The following HEATR4 variants were observed in gnomAD, a reference collection of about 807,000 sequenced individuals.
HEATR4 encodes the protein HEAT repeat-containing protein 4.
A neutral mutation model predicts 108.8 loss-of-function variants in HEATR4; 95 were observed. The observed-to-expected ratio is 0.87, with a 90% CI of 0.74 to 1.04. The LOEUF is 1.04. Among genes scored for constraint, HEATR4 ranks in the 50% least tolerant of loss-of-function variants. The pLI is 0.00. For synonymous variants in HEATR4, 443 were observed against 459.4 expected (o/e 0.96, Z 0.46); for missense variants, 1,152 against 1,253.8 (o/e 0.92, Z 1.23).
chr14:73,629,172 C>T, the HEATR4 span, among the ~76,000 whole-genome samples: 4,557 of 152,130 alleles, frequency 0.03, 107 homozygotes, highest in Middle Eastern at 0.071. Flanking sequence ...AAAAAGATTA[C>T]GACCCACTGA....
chr14:73,562,218 G>A (rs1347949320), upstream of HEATR4, among the ~76,000 whole-genome samples: 1 of 152,022 alleles, frequency 6.6e-6, no homozygotes, highest in Non-Finnish European at 1.5e-5. Flanking sequence ...CGAATGGAGG[G>A]ACCGGCTGGA....
chr14:73,541,495 C>A (rs1322188613), intron 1 of HEATR4: 1 of 1,244,564 alleles, frequency 8.0e-7, no homozygotes, highest in South Asian at 1.4e-5. Context: ...TTCCCAAGAA[C>A]CTGGGCCCTT....
chr14:73,502,447 A>G (rs1030465891), intron 11 of HEATR4, among the ~76,000 whole-genome samples: 2 of 151,994 alleles, frequency 1.3e-5, no homozygotes, highest in South Asian at 2.1e-4. Flanking sequence ...CCCTAGCCAC[A>G]TTGTTAGTTT....
intron 17 of HEATR4, chr14:73,491,096 G>C (rs774731858): frequency 6.2e-7 from 1 of 1,601,164 alleles, no homozygotes; most frequent in South Asian, 1.1e-5. Flanking sequence ...GCCACACAGC[G>C]GGTCGGTCCT....
chr14:73,630,054 T>C, the HEATR4 span, among the ~76,000 whole-genome samples: 1 of 151,518 alleles, frequency 6.6e-6, no homozygotes, highest in Non-Finnish European at 1.5e-5. Context: ...AACAAAAAAA[T>C]TTAAAAAAAA....
chr14:73,520,890 T>A lies in HEATR4; in HGVS notation c.1031A>T (p.Tyr344Phe), dbSNP rs774589942. 6.2e-7 allele frequency: 1 copy of A among 1,613,974 alleles called. No homozygotes were observed. The stretch of plus-strand genomic sequence containing the variant: ...CTGTTCAAAGGTGTTGTCTGTGGAG[T>A]AGGCAAACTTTCCAGCTCGGGGAGT... ...QVTPRAGKFA[Y>F]STDNTFEQEI... The change falls in exon 4 of 18, where the codon TAC becomes TTC. Residue 344 changes from tyrosine to phenylalanine, a missense_variant. By Grantham distance (22) the Tyr-to-Phe change is conservative (BLOSUM62 3). Transcript: ENST00000553558.
At position 73,522,878 on chromosome 14, in the gene HEATR4, C is replaced by G. The variant is rs756543485; in HGVS notation, c.275G>C (p.Ser92Thr). The G allele has an allele frequency of 6.2e-7, 1 of 1,614,182 alleles. No individual in the cohort carries two copies. The highest frequency in any genetic ancestry group is 8.5e-7 in the Non-Finnish European group (1 of 1,180,036). ...ATTGGTATTGTAGAGGTGGTCAAAG[C>G]TGTACTGGCTATAAGGAATGCTGGG... ...GLPSIPYSQY[S>T]FDHLYNTNDI... The change falls in exon 3 of 18, where the codon AGC (serine) becomes ACC (threonine). Residue 92 changes from serine to threonine, a missense_variant. By Grantham distance (58) the Ser-to-Thr change is moderately conservative. Transcript: ENST00000553558.
chr14:73,570,680 G>A, the HEATR4 span, among the ~76,000 whole-genome samples: 20 of 152,040 alleles, frequency 1.3e-4, no homozygotes, highest in African/African-American at 4.1e-4. Context: ...CGAGGCCGGC[G>A]GATCACCTGA....
the HEATR4 span, among the ~76,000 whole-genome samples, chr14:73,592,783 A>G: frequency 6.6e-6 from 1 of 152,032 alleles, no homozygotes; most frequent in Non-Finnish European, 1.5e-5. Flanking sequence ...AACCTGGGAG[A>G]TGGAGGTTGC....
chr14:73,614,746 CAAA>C, the HEATR4 span, among the ~76,000 whole-genome samples: 24 of 113,002 alleles, frequency 2.1e-4, no homozygotes, highest in Admixed American at 3.7e-4. Context: ...GACCCTGTCT[CAAA>C]AAAAAAAAAA....
intron 2 of HEATR4, among the ~76,000 whole-genome samples, chr14:73,524,549 C>T (rs527516615): frequency 5.3e-5 from 8 of 150,802 alleles, no homozygotes; most frequent in Non-Finnish European, 7.4e-5. Context: ...GAGGATTTTA[C>T]GTAGGGAAGA....
rs35306537 is a variant in HEATR4, at chr14:73,549,799, A to C, written c.-152+8952T>G. ...CAAGCCACCTTCTTTGCACATGCTG[A>C]AGCTAATATTGCCCTCCACTCCACC... On this transcript the variant is annotated intron_variant, in intron 1 of 17. Transcript: ENST00000553558. 7.2e-4 allele frequency among the ~76,000 whole-genome samples: 46 copies of C among 63,972 alleles called. 2 individuals carry two copies. Among genetic ancestry groups the C allele is most frequent in the South Asian group, 3.9e-3 (7 of 1,794 alleles). 42.0% of individuals were successfully genotyped at this position (63,972 alleles called of 152,430 possible). A position where few individuals can be genotyped will look rare whatever the true frequency, so the allele number is the denominator to read the frequency against.
the HEATR4 span, chr14:73,619,736 CA>C: frequency 6.2e-7 from 1 of 1,613,978 alleles, no homozygotes; most frequent in South Asian, 1.1e-5. Context: ...GGAGGTGAGC[CA>C]AAGGCTCACT....
At chr14:73,584,293 C>CT in the HEATR4 span, among the ~76,000 whole-genome samples, 1 of 151,366 alleles carries the variant, frequency 6.6e-6, no homozygotes, top group South Asian at 2.1e-4. Context: ...GTCCTAAAGA[C>CT]TTTTTAAATA....
intron 5 of HEATR4, among the ~76,000 whole-genome samples, chr14:73,517,960 C>T (rs1887727035): frequency 6.6e-6 from 1 of 151,760 alleles, no homozygotes; most frequent in South Asian, 2.1e-4. Flanking sequence ...GTGGCGCGCA[C>T]CTGTAGTCCC....
chr14:73,612,723 G>A, the HEATR4 span: 1 of 1,370,244 alleles, frequency 7.3e-7, no homozygotes, highest in African/African-American at 1.5e-5. Flanking sequence ...GCCCACGCGC[G>A]CTACCGTGCC....
At chr14:73,536,293 T>G (rs1888859396) in intron 1 of HEATR4, among the ~76,000 whole-genome samples, 1 of 103,438 alleles carries the variant, frequency 9.7e-6, no homozygotes, top group South Asian at 3.4e-4. Context: ...GGCCTAAAGC[T>G]TAAGTTTGAT....
chr14:73,525,809 TG>T (rs1888290186), intron 2 of HEATR4, among the ~76,000 whole-genome samples: 1 of 151,936 alleles, frequency 6.6e-6, no homozygotes, highest in South Asian at 2.1e-4. Flanking sequence ...AAAAATTAGC[TG>T]GGCGTGGTGG....
the HEATR4 span, among the ~76,000 whole-genome samples, chr14:73,597,698 ATTC>A: frequency 1.4e-5 from 2 of 145,998 alleles, no homozygotes; most frequent in African/African-American, 2.5e-5. Flanking sequence ...GGTTCAAGCA[ATTC>A]TTCTGCCTCA....
Sources: allele counts gnomAD v4.1 joint callset (sites outside exome capture counted in the v4.1 genomes callset), GRCh38; gene constraint gnomAD v4.1.1; transcripts MANE v1.5; gene names NCBI Gene and HGNC (gene_info 2026-07-23, HGNC 2026-07-21).